Variants in TNKS observed in about 807,000 individuals in gnomAD.
TNKS encodes tankyrase, also known as poly [ADP-ribose] polymerase tankyrase-1.
A neutral mutation model predicts 135.8 loss-of-function variants in TNKS; 72 were observed. The ratio of observed to expected loss-of-function variants is 0.53; its 90% CI spans 0.44 to 0.64. TNKS has a LOEUF of 0.64. Among genes scored for constraint, TNKS ranks in the 30% least tolerant of loss-of-function variants. The pLI is 0.00. For missense variants in TNKS, 1,769 were observed against 1,674.0 expected (o/e 1.06, Z -0.99); for synonymous variants, 849 against 649.3 (o/e 1.31, Z -4.68).
At chr8:9,706,728 T>A in intron 7 of TNKS, 83 bp from the exon 8 acceptor site, 1 of 1,340,366 alleles carries the variant, frequency 7.5e-7, no homozygotes, top group Non-Finnish European at 1.0e-6. Context: ...TAACTGAAAT[T>A]TACAAAGAAA....
intron 3 of TNKS, among the ~76,000 whole-genome samples, chr8:9,629,960 A>G (rs4458881): frequency 0.1 from 15,816 of 152,148 alleles, 1,165 homozygotes; most frequent in East Asian, 0.23. Context: ...GGGATTACAG[A>G]CATGAGCCAC....
In TNKS at chr8:9,763,212, G is replaced by C; in HGVS notation, c.3340G>C (p.Glu1114Gln). 6.2e-7 allele frequency: 1 copy of C among 1,607,388 alleles called. No individual in the cohort carries two copies. The highest frequency in any genetic ancestry group is 1.1e-5 in the South Asian group (1 of 89,984). Reference sequence around the variant, plus strand: ...AACGATTTTGCTGGATCTTGCTCCAGAAGATAAAGAATATCAGTCAGTGGA... The same window carrying C: ...AACGATTTTGCTGGATCTTGCTCCACAAGATAAAGAATATCAGTCAGTGGA... ...QGTILLDLAP[E>Q]DKEYQSVEEE... is the part of the protein sequence containing the mutation. The change falls in exon 22 of 27, where the codon GAA becomes CAA. Residue 1114 changes from glutamate (E) to glutamine (Q), a missense_variant. Transcript: ENST00000310430.
At chr8:9,765,827 C>T (rs779027281) in intron 24 of TNKS, 30 bp downstream of exon 24, 3 of 1,580,854 alleles carry the variant, frequency 1.9e-6, no homozygotes, top group Non-Finnish European at 2.6e-6. Context: ...CGGTGGACGT[C>T]TCCCTGGGCC....
chr8:9,714,330 CTT>C (rs34419756), intron 11 of TNKS, among the ~76,000 whole-genome samples: 221 of 146,726 alleles, frequency 1.5e-3, no homozygotes, highest in Admixed American at 1.6e-3. Context: ...GCCCTACAGG[CTT>C]TTTTTTTTTT....
intron 2 of TNKS, among the ~76,000 whole-genome samples, chr8:9,581,781 A>G (rs1176774962): frequency 1.3e-5 from 2 of 152,132 alleles, no homozygotes; most frequent in African/African-American, 2.4e-5. Context: ...TTTTCATTTT[A>G]TCAGTCCTTT....
At chr8:9,556,836 G>T in intron 1 of TNKS, 2 of 592,622 alleles carry the variant, frequency 3.4e-6, no homozygotes, top group South Asian at 4.2e-5. Flanking sequence ...TGGTTGCACA[G>T]TACTCATTAC....
At chr8:9,618,882 A>G (rs963603726) in intron 3 of TNKS, among the ~76,000 whole-genome samples, 1 of 152,250 alleles carries the variant, frequency 6.6e-6, no homozygotes, top group African/African-American at 2.4e-5. Flanking sequence ...CTAATGTGTT[A>G]TAAACTGCTT....
At chr8:9,691,601 G>A (rs960619580) in intron 5 of TNKS, among the ~76,000 whole-genome samples, 4 of 152,132 alleles carry the variant, frequency 2.6e-5, no homozygotes, top group East Asian at 1.9e-4. Context: ...TTAACTTGCC[G>A]TGTTAATCAC....
intron 2 of TNKS, among the ~76,000 whole-genome samples, chr8:9,580,899 A>G (rs576259890): frequency 1.3e-5 from 2 of 152,350 alleles, no homozygotes; most frequent in South Asian, 2.1e-4. Flanking sequence ...GGACTTTTCA[A>G]TCATTTTAGG....
chr8:9,607,783 T>G (rs566521520), intron 2 of TNKS, among the ~76,000 whole-genome samples: 64 of 152,320 alleles, frequency 4.2e-4, no homozygotes, highest in African/African-American at 1.4e-3. Flanking sequence ...GAGAATATTT[T>G]AAAGAAATCT....
chr8:9,704,694 AC>A lies in TNKS; in HGVS notation c.1140del (p.Asn380LysfsTer5), dbSNP rs1405075822. On this transcript the variant is annotated frameshift_variant, in exon 6 of 27. Coordinates refer to ENST00000310430, the MANE Select transcript of TNKS (RefSeq NM_003747.3). LOFTEE classifies it high-confidence loss of function. Reference sequence around the variant, plus strand: ...CCTTTACATCTAGCAGCGGGCTACAACAGAGTTCGAATAGTTCAGCTTCTTC... The same window carrying A: ...CCTTTACATCTAGCAGCGGGCTACAAAGAGTTCGAATAGTTCAGCTTCTTC... ...STPLHLAAGY[N>X]RVRIVQLLLQ... 1 of 1,613,550 alleles carries A rather than the reference AC, an allele frequency of 6.2e-7. No individual in the cohort carries two copies. The highest frequency in any genetic ancestry group is 8.5e-7 in the Non-Finnish European group (1 of 1,179,562).
chr8:9,615,277 G>A (rs990773218), intron 2 of TNKS: 13 of 213,492 alleles, frequency 6.1e-5, no homozygotes, highest in Non-Finnish European at 2.8e-5. Context: ...GAGCCAGCGA[G>A]CACATAGCTT....
intron 2 of TNKS, among the ~76,000 whole-genome samples, chr8:9,588,140 A>T (rs1014561917): frequency 1.3e-5 from 2 of 152,236 alleles, no homozygotes; most frequent in African/African-American, 2.4e-5. Flanking sequence ...AACTTAAAAA[A>T]AATAAATTTT....
intron 1 of TNKS, among the ~76,000 whole-genome samples, chr8:9,570,155 A>G (rs1489636935): frequency 1.3e-5 from 2 of 152,204 alleles, no homozygotes; most frequent in African/African-American, 4.8e-5. Context: ...TGAATAATAA[A>G]TATAGGCCAG....
At chr8:9,692,658 G>T (rs930158409) in intron 5 of TNKS, among the ~76,000 whole-genome samples, 1 of 152,176 alleles carries the variant, frequency 6.6e-6, no homozygotes, top group Non-Finnish European at 1.5e-5. Context: ...CATGTCATCT[G>T]CAGAAGAGAC....
At chr8:9,595,852 C>G (rs1798767455) in intron 2 of TNKS, among the ~76,000 whole-genome samples, 1 of 152,064 alleles carries the variant, frequency 6.6e-6, no homozygotes, top group Non-Finnish European at 1.5e-5. Context: ...GTGACTCATA[C>G]CTCTAATCTT....
chr8:9,620,058 T>G (rs972414333), intron 3 of TNKS, among the ~76,000 whole-genome samples: 1 of 152,108 alleles, frequency 6.6e-6, no homozygotes, highest in Admixed American at 6.5e-5. Context: ...TAAGCGATTC[T>G]CCTGCCTCAG....
intron 12 of TNKS, chr8:9,722,274 T>C (rs1299455320): frequency 3.0e-4 from 46 of 152,112 alleles, no homozygotes; most frequent in Admixed American, 3.0e-3. Flanking sequence ...GGGACCCTTC[T>C]AGGGCTTGTA....
At chr8:9,665,330 C>T (rs2128790002) in intron 3 of TNKS, among the ~76,000 whole-genome samples, 1 of 152,336 alleles carries the variant, frequency 6.6e-6, no homozygotes, top group Middle Eastern at 3.4e-3. Flanking sequence ...AATAGCAGGA[C>T]ATTGCCTTTA....
Sources: allele counts gnomAD v4.1 joint callset (sites outside exome capture counted in the v4.1 genomes callset), GRCh38; gene constraint gnomAD v4.1.1; transcripts MANE v1.5; gene names NCBI Gene and HGNC (gene_info 2026-07-23, HGNC 2026-07-21).